Variants in OPHN1 observed in about 807,000 individuals in gnomAD.
OPHN1 encodes the protein oligophrenin-1.
Under a neutral mutation model 60.7 loss-of-function variants are expected in OPHN1, and 11 were observed. That is an observed-to-expected ratio of 0.18 (90% CI 0.11 to 0.30). OPHN1 has a LOEUF of 0.30. OPHN1 is among the 10% of genes least tolerant of loss of function. OPHN1 has a pLI of 1.00. For synonymous variants in OPHN1, 226 were observed against 222.6 expected, an observed-to-expected ratio of 1.02 and a Z score of -0.14; for missense variants, 449 against 611.0, an observed-to-expected ratio of 0.73 and a Z score of 2.80.
chrX:68,235,573 C>G (rs771351068), intron 5 of OPHN1, among the ~76,000 whole-genome samples: 2 of 110,199 alleles, frequency 1.8e-5, no homozygotes, highest in South Asian at 7.9e-4. Flanking sequence ...CACAGTGGCT[C>G]ATGCCTGTAA....
At position 68,074,135 on chromosome X, in the gene OPHN1, C is replaced by G. The variant is rs545126634; in HGVS notation, c.1687-836G>C. ...TGTGATGGAGAAAGGAGACCACTGT[C>G]TAGCCAGTGAGACTAACAAAATCAA... On this transcript the variant is annotated intron_variant, in intron 19 of 24. Transcript: ENST00000355520. Among the ~76,000 whole-genome samples the G allele has an allele frequency of 5.8e-4, 65 of 111,653 alleles. No homozygotes were observed. In the South Asian group the frequency reaches 0.024, roughly 42 times the overall value.
chrX:68,102,496 C>G (rs1052602589), intron 18 of OPHN1, among the ~76,000 whole-genome samples: 1 of 110,789 alleles, frequency 9.0e-6, no homozygotes, highest in African/African-American at 3.3e-5. Context: ...AACTGAAAAG[C>G]TAGCAGAACA....
chrX:68,241,404 C>A (rs1248596263), intron 5 of OPHN1, among the ~76,000 whole-genome samples: 2 of 111,489 alleles, frequency 1.8e-5, no homozygotes, highest in African/African-American at 6.5e-5. Flanking sequence ...GAAATAAAAA[C>A]AAACTAAATT....
At chrX:68,303,597 G>A (rs1038993242) in intron 2 of OPHN1, among the ~76,000 whole-genome samples, 35 of 107,657 alleles carry the variant, frequency 3.3e-4, no homozygotes, top group East Asian at 2.9e-3. Flanking sequence ...GCAGAGAGCC[G>A]AGATCACGCC....
rs2077318257 is a variant in OPHN1 at position 68,158,126 on chromosome X, T to TC, written c.1276+34792dup. The stretch of plus-strand genomic sequence containing the variant: ...CCTGCCAAAGAGGTGCTATTTTCTA[T>TC]CCAGTGATATGGGAAAGTTTCTGCA... On this transcript the variant is annotated intron_variant, in intron 15 of 24. Transcript: ENST00000355520. Among the ~76,000 whole-genome samples, 9 of 111,647 alleles carry TC rather than the reference T, an allele frequency of 8.1e-5. 1 individual carries two copies. Among genetic ancestry groups the TC allele is most frequent in the Admixed American group, 7.6e-4 (8 of 10,528 alleles).
chrX:68,163,547 C>T (rs777881337), intron 15 of OPHN1, among the ~76,000 whole-genome samples: 20 of 110,121 alleles, frequency 1.8e-4, no homozygotes, highest in South Asian at 7.7e-4. Flanking sequence ...GCAACAAAAA[C>T]GGAATGCAGA....
At chrX:68,099,336 T>C (rs971332817) in intron 18 of OPHN1, among the ~76,000 whole-genome samples, 6 of 111,664 alleles carry the variant, frequency 5.4e-5, no homozygotes, top group Admixed American at 9.5e-5. Context: ...CTGAGGTTGG[T>C]TGTGAGAAGC....
chrX:68,086,351 G>A (rs2076995874), intron 19 of OPHN1, among the ~76,000 whole-genome samples: 1 of 111,282 alleles, frequency 9.0e-6, no homozygotes, highest in Admixed American at 9.5e-5. Context: ...TGGAAATGGT[G>A]GTACTAGCTG....
chrX:68,146,064 T>C (rs1210213142), intron 15 of OPHN1, among the ~76,000 whole-genome samples: 1 of 112,506 alleles, frequency 8.9e-6, no homozygotes, highest in Non-Finnish European at 1.9e-5. Flanking sequence ...TGTCAACTCC[T>C]ATAATAGTTT....
chrX:68,265,526 G>T (rs1171908701), intron 5 of OPHN1, among the ~76,000 whole-genome samples: 2 of 111,570 alleles, frequency 1.8e-5, no homozygotes, highest in African/African-American at 6.5e-5. Context: ...AACCCCATCT[G>T]TACGTCAAAA....
At chrX:68,179,620 T>C (rs955901350) in intron 15 of OPHN1, among the ~76,000 whole-genome samples, 1 of 111,743 alleles carries the variant, frequency 8.9e-6, no homozygotes, top group Admixed American at 9.6e-5. Context: ...AAGTATCCTA[T>C]CAAGTCAGTT....
At chrX:68,196,252 G>T (rs1402446017) in intron 12 of OPHN1, among the ~76,000 whole-genome samples, 1 of 112,282 alleles carries the variant, frequency 8.9e-6, no homozygotes, top group East Asian at 2.8e-4. Context: ...ATACAGCAAA[G>T]AAATAAGACT....
chrX:68,149,889 G>A (rs2077278479), intron 15 of OPHN1, among the ~76,000 whole-genome samples: 1 of 111,267 alleles, frequency 9.0e-6, no homozygotes, highest in Non-Finnish European at 1.9e-5. Flanking sequence ...CTAAAAGGCG[G>A]AAACAGCTCA....
chrX:68,405,196 G>C (rs983857748), intron 2 of OPHN1, among the ~76,000 whole-genome samples: 3 of 111,882 alleles, frequency 2.7e-5, no homozygotes, highest in East Asian at 2.8e-4. Context: ...TATTCCCCTA[G>C]TCTGCTCATT....
At chrX:68,163,898 T>C (rs977763630) in intron 15 of OPHN1, among the ~76,000 whole-genome samples, 2 of 110,995 alleles carry the variant, frequency 1.8e-5, no homozygotes, top group African/African-American at 6.5e-5. Context: ...GATGCTGAGG[T>C]AAAAAAAATC....
rs140260997 is a variant in OPHN1 at position 68,374,085 on chromosome X, C to T, written c.154+58782G>A. On this transcript the variant is annotated intron_variant, in intron 2 of 24. Coordinates refer to ENST00000355520, the MANE Select transcript of OPHN1 (RefSeq NM_002547.3). Reference sequence around the variant, plus strand: ...GCATCCATAAGCACAATCCAGGGCACGGTGGCTCATGCCTGTAATCCTAGC... The same window carrying T: ...GCATCCATAAGCACAATCCAGGGCATGGTGGCTCATGCCTGTAATCCTAGC... Among the ~76,000 whole-genome samples, 103 of 111,390 alleles carry T rather than the reference C, an allele frequency of 9.2e-4. 2 individuals carry two copies. Among genetic ancestry groups the T allele is most frequent in the East Asian group, 4.8e-3 (17 of 3,526 alleles).
intron 15 of OPHN1, among the ~76,000 whole-genome samples, chrX:68,186,516 GA>G (rs1213341801): frequency 9.1e-6 from 1 of 110,164 alleles, no homozygotes; most frequent in Non-Finnish European, 1.9e-5. Context: ...AGTGCCATAG[GA>G]AAAAAAGTGA....
At chrX:68,165,930 G>T (rs1225065730) in intron 15 of OPHN1, among the ~76,000 whole-genome samples, 1 of 111,739 alleles carries the variant, frequency 8.9e-6, no homozygotes, top group African/African-American at 3.3e-5. Flanking sequence ...TCTAGCAAAG[G>T]TGCCAAAGCA....
intron 2 of OPHN1, among the ~76,000 whole-genome samples, chrX:68,388,743 TATAAC>T (rs1407809312): frequency 9.0e-6 from 1 of 111,195 alleles, no homozygotes; most frequent in Non-Finnish European, 1.9e-5. Flanking sequence ...GGGGCATAGA[TATAAC>T]AGATTGAAGC....
Sources: allele counts gnomAD v4.1 joint callset (sites outside exome capture counted in the v4.1 genomes callset), GRCh38; gene constraint gnomAD v4.1.1; transcripts MANE v1.5; gene names NCBI Gene and HGNC (gene_info 2026-07-23, HGNC 2026-07-21).